The following SLC16A13 variants were observed in gnomAD, a reference collection of about 807,000 sequenced individuals.
SLC16A13 encodes solute carrier family 16 member 13.
Under a neutral mutation model 28.1 loss-of-function variants are expected in SLC16A13, and 28 were observed. The observed-to-expected ratio is 1.00, with a 90% CI of 0.74 to 1.37. SLC16A13 has a LOEUF of 1.37. SLC16A13 is among the 40% of genes most tolerant of loss of function. The pLI, the probability that SLC16A13 is intolerant of heterozygous loss-of-function variation, is 0.00. For missense variants in SLC16A13, 482 were observed against 531.8 expected (o/e 0.91, Z 0.92); for synonymous variants, 228 against 241.6 (o/e 0.94, Z 0.52).
Position 7,038,568 on chromosome 17 carries a change from C to T in SLC16A13, c.760C>T (p.Leu254=), listed in dbSNP as rs756556716. The part of the protein sequence containing the change: ...LDWDPLPAAF[L]LSVVAISDLV... The stretch of plus-strand genomic sequence containing the variant: ...TTGGGACCCACTACCTGCTGCCTTC[C>T]TACTCTCAGTTGTTGCTATTTCTGA... Residue 254 remains leucine (L), a synonymous_variant, in exon 3 of 4, where the codon CTA becomes TTA. Transcript: ENST00000308027. This position sits in a 1 kb window ranked among gnomAD's most constrained non-coding sequence, Gnocchi z 5.7. 1 of 1,614,228 alleles carries T rather than the reference C, an allele frequency of 6.2e-7. No individual in the cohort carries two copies. The highest frequency in any genetic ancestry group is 8.5e-7 in the Non-Finnish European group (1 of 1,180,048).
In SLC16A13 at chr17:7,039,205, A is replaced by G. The variant is rs918546295; in HGVS notation, c.1081+316A>G. Among the ~76,000 whole-genome samples, 1 of 152,128 alleles carries G rather than the reference A, an allele frequency of 6.6e-6. No individual in the cohort carries two copies. Among genetic ancestry groups the G allele is most frequent in the African/African-American group, 2.4e-5 (1 of 41,420 alleles). On this transcript the variant is annotated intron_variant, in intron 3 of 3. Transcript: ENST00000308027. The surrounding 1 kb of genome is among the most constrained non-coding windows in gnomAD (Gnocchi z 4.3). ...CAGTGTGCACCCTTTCCTTTGGCCTACTGGGCCCCAAACCAGGTATCTGAG... is the reference window on the plus strand; with the variant it reads ...CAGTGTGCACCCTTTCCTTTGGCCTGCTGGGCCCCAAACCAGGTATCTGAG...
Position 7,036,816 on chromosome 17 carries a change from G to C in SLC16A13, c.289G>C (p.Ala97Pro), listed in dbSNP as rs758274051. Residue 97 changes from alanine (A) to proline (P), a missense_variant, in exon 2 of 4, where the codon GCC becomes CCC. Transcript: ENST00000308027. ...GILAALGMLLASFATSLTHLY... is the reference protein window; with the variant it reads ...GILAALGMLLPSFATSLTHLY... ...CTTGGCTGCGCTGGGGATGCTGCTC[G>C]CCTCTTTTGCTACTTCCTTGACCCA... The C allele has an allele frequency of 1.2e-6, 2 of 1,613,886 alleles. No homozygotes were observed. The highest frequency in any genetic ancestry group is 2.2e-5 in the South Asian group (2 of 91,086).
At chr17:7,036,955 G>A in intron 2 of SLC16A13, 85 bp downstream of exon 2, 1 of 1,520,748 alleles carries the variant, frequency 6.6e-7, no homozygotes, top group Non-Finnish European at 8.9e-7. Flanking sequence ...AAGGGTTCGG[G>A]GAGAAGCTGA....
rs750963688 is a variant in SLC16A13, at chr17:7,038,419, G to C, written c.611G>C (p.Arg204Thr). The C allele has an allele frequency of 3.7e-6, 6 of 1,613,930 alleles. No homozygotes were observed. The East Asian group carries it at 1.1e-4, about 30-fold the overall frequency. The change falls in exon 3 of 4, where the codon AGG becomes ACG. Residue 204 changes from arginine (R) to threonine (T), a missense_variant. Physicochemically the swap from Arg to Thr is moderately conservative, Grantham distance 71. Coordinates refer to ENST00000308027, the MANE Select transcript of SLC16A13 (RefSeq NM_201566.3). This position sits in a 1 kb window ranked among gnomAD's most constrained non-coding sequence, Gnocchi z 5.7. ...LAEDPAVGGP[R>T]AQLTSLLHHG... is the part of the protein sequence containing the mutation. ...GAGGACCCTGCTGTGGGTGGTCCCA[G>C]GGCCCAACTCACCTCTCTCCTCCAT...
rs765455711 is a variant in SLC16A13 at position 7,038,313 on chromosome 17, AG to A, written c.510del (p.Ser171ProfsTer12). On this transcript the variant is annotated frameshift_variant, in exon 3 of 4. Transcript: ENST00000308027. LOFTEE classifies it high-confidence loss of function. The surrounding 1 kb of genome is among the most constrained non-coding windows in gnomAD (Gnocchi z 5.7). ...FQWLLSHYAW[R>X]GSLLLVSALS... ...GTGGCTGCTCAGCCACTACGCCTGG[AG>A]GGGGTCCCTGCTGCTGGTGTCTGCC... 1 of 1,613,940 alleles carries A rather than the reference AG, an allele frequency of 6.2e-7. No homozygotes were observed.
rs1567732563 is a variant in SLC16A13 at position 7,038,544 on chromosome 17, T to C, written c.736T>C (p.Trp246Arg). The C allele has an allele frequency of 1.9e-6, 3 of 1,614,228 alleles. No homozygotes were observed. Among genetic ancestry groups the C allele is most frequent in the Non-Finnish European group, 1.7e-6 (2 of 1,180,044 alleles). The change falls in exon 3 of 4, where the codon TGG (tryptophan) becomes CGG (arginine). Residue 246 changes from tryptophan (W) to arginine (R), a missense_variant. Physicochemically the swap from Trp to Arg is moderately radical, Grantham distance 101 (BLOSUM62 -3). Coordinates refer to ENST00000308027, the MANE Select transcript of SLC16A13 (RefSeq NM_201566.3). The surrounding 1 kb of genome is among the most constrained non-coding windows in gnomAD (Gnocchi z 5.7). ...GGTGGCCCATCTCCAGGACCTGGAT[T>C]GGGACCCACTACCTGCTGCCTTCCT... The part of the protein sequence containing the change: ...HLVAHLQDLD[W>R]DPLPAAFLLS...
rs1910628072 is a variant in SLC16A13 at position 7,038,066 on chromosome 17, T to G, written c.344-86T>G. On this transcript the variant is annotated intron_variant, in intron 2 of 3. Coordinates refer to ENST00000308027, the MANE Select transcript of SLC16A13 (RefSeq NM_201566.3). The surrounding 1 kb of genome is among the most constrained non-coding windows in gnomAD (Gnocchi z 5.7). ...GTCTGTGGGACTCCGAAGCAAGTGC[T>G]ACATTCTGCTGCTGGGCAATGCGGG... The G allele has an allele frequency of 6.8e-7, 1 of 1,477,134 alleles. No homozygotes were observed. The highest frequency in any genetic ancestry group is 1.4e-5 in the African/African-American group (1 of 71,492). 91.5% of individuals were successfully genotyped at this position (1,477,134 alleles called of 1,614,324 possible).
In SLC16A13 at chr17:7,038,352, C is replaced by T. The variant is rs369186005; in HGVS notation, c.544C>T (p.Leu182=). 1 of 1,614,118 alleles carries T rather than the reference C, an allele frequency of 6.2e-7. No homozygotes were observed. Among genetic ancestry groups the T allele is most frequent in the South Asian group, 1.1e-5 (1 of 91,084 alleles). Residue 182 remains leucine, a synonymous_variant, in exon 3 of 4, where the codon CTA becomes TTA. Transcript: ENST00000308027. This position sits in a 1 kb window ranked among gnomAD's most constrained non-coding sequence, Gnocchi z 5.7. ...GCTGGTGTCTGCCCTCTCCCTCCAC[C>T]TAGTGGCCTGTGGTGCTCTCCTCCG... ...LLLVSALSLH[L]VACGALLRPP... is the part of the protein sequence containing the mutation.
chr17:7,036,960 A>G, intron 2 of SLC16A13, 90 bp downstream of exon 2: 5 of 1,499,294 alleles, frequency 3.3e-6, no homozygotes, highest in Middle Eastern at 1.8e-4. Flanking sequence ...TTCGGGGAGA[A>G]GCTGAGGGAA....
At position 7,038,728 on chromosome 17, in the gene SLC16A13, T is replaced by G; in HGVS notation, c.920T>G (p.Leu307Arg). The G allele has an allele frequency of 6.2e-7, 1 of 1,614,154 alleles. No homozygotes were observed. The highest frequency in any genetic ancestry group is 1.1e-5 in the South Asian group (1 of 91,082). The change falls in exon 3 of 4, where the codon CTG (leucine) becomes CGG (arginine). Residue 307 changes from leucine to arginine, a missense_variant. Transcript: ENST00000308027. This position sits in a 1 kb window ranked among gnomAD's most constrained non-coding sequence, Gnocchi z 5.7. Reference sequence around the variant, plus strand: ...CCTGTAGCTCAGGCTCCCACAGCCCTGGTGGCTCTGGCTGTGGCCTACGGC... The same window carrying G: ...CCTGTAGCTCAGGCTCCCACAGCCCGGGTGGCTCTGGCTGTGGCCTACGGC... ...LFPVAQAPTA[L>R]VALAVAYGFT...
Position 7,038,750 on chromosome 17 carries a change from C to T in SLC16A13, c.942C>T (p.Tyr314=), listed in dbSNP as rs762294805. Residue 314 remains tyrosine, a synonymous_variant, in exon 3 of 4, where the codon TAC becomes TAT. Coordinates refer to ENST00000308027, the MANE Select transcript of SLC16A13 (RefSeq NM_201566.3). This position sits in a 1 kb window ranked among gnomAD's most constrained non-coding sequence, Gnocchi z 5.7. ...PTALVALAVA[Y]GFTSGALAPL... is the part of the protein sequence containing the mutation. ...CCCTGGTGGCTCTGGCTGTGGCCTA[C>T]GGCTTCACATCAGGGGCTCTGGCCC... is the stretch of plus-strand genomic sequence containing the variant. 4.3e-6 allele frequency: 7 copies of T among 1,614,138 alleles called. No individual in the cohort carries two copies. In the South Asian group the frequency reaches 4.4e-5, roughly 10 times the overall value.
chr17:7,039,970 A>C lies in SLC16A13; in HGVS notation c.*8A>C, dbSNP rs777377498. ...GGGCTGGAAGAGGACTGAACTCCAC[A>C]GAGTCAGGCCCAGAAAGCCAAAGCT... is the stretch of plus-strand genomic sequence containing the variant. On this transcript the variant is annotated 3_prime_UTR_variant, in exon 4 of 4. Transcript: ENST00000308027. This position sits in a 1 kb window ranked among gnomAD's most constrained non-coding sequence, Gnocchi z 4.3. The C allele has an allele frequency of 6.2e-7, 1 of 1,611,792 alleles. No individual in the cohort carries two copies. Among genetic ancestry groups the C allele is most frequent in the Non-Finnish European group, 8.5e-7 (1 of 1,179,144 alleles).
In SLC16A13 at chr17:7,036,096, C is replaced by T. The variant is rs1910571715; in HGVS notation, c.-287C>T. 3 of 354,570 alleles carry T rather than the reference C, an allele frequency of 8.5e-6. No individual in the cohort carries two copies. The highest frequency in any genetic ancestry group is 5.6e-5 in the South Asian group (1 of 17,786). The allele number at this position is 354,570 out of a possible 1,614,324, so 22.0% of individuals were successfully genotyped here. ...TCCCAGCCGAACACCGAACCGGGAC[C>T]GATCCGGCCCCGGCTTGAACTAGCT... is the stretch of plus-strand genomic sequence containing the variant. On this transcript the variant is annotated 5_prime_UTR_variant, in exon 1 of 4. Coordinates refer to ENST00000308027, the MANE Select transcript of SLC16A13 (RefSeq NM_201566.3).
At position 7,038,497 on chromosome 17, in the gene SLC16A13, A is replaced by ACT. The variant is rs1910641021; in HGVS notation, c.690_691dup (p.Phe231SerfsTer51). ...GCCCTCACCCTGATCAACACTGGCT[A>ACT]CTTCATTCCCTACCTCCACCTGGTG... On this transcript the variant is annotated frameshift_variant, in exon 3 of 4. Transcript: ENST00000308027. LOFTEE classifies it high-confidence loss of function. The surrounding 1 kb of genome is among the most constrained non-coding windows in gnomAD (Gnocchi z 5.7). 2 of 1,613,874 alleles carry ACT rather than the reference A, an allele frequency of 1.2e-6. No individual in the cohort carries two copies. Among genetic ancestry groups the ACT allele is most frequent in the Non-Finnish European group, 1.7e-6 (2 of 1,179,980 alleles).
chr17:7,038,457 C>G lies in SLC16A13; in HGVS notation c.649C>G (p.Leu217Val), dbSNP rs1163075826. Residue 217 changes from leucine (L) to valine (V), a missense_variant, in exon 3 of 4, where the codon CTC becomes GTC. Transcript: ENST00000308027. The surrounding 1 kb of genome is among the most constrained non-coding windows in gnomAD (Gnocchi z 5.7). ...LTSLLHHGPF[L>V]RYTVALTLIN... The stretch of plus-strand genomic sequence containing the variant: ...CTCTCTCCTCCATCATGGCCCCTTC[C>G]TCCGTTACACTGTTGCCCTCACCCT... 8 of 1,613,846 alleles carry G rather than the reference C, an allele frequency of 5.0e-6. No individual in the cohort carries two copies. The highest frequency in any genetic ancestry group is 6.8e-6 in the Non-Finnish European group (8 of 1,179,874).
rs550979466 is a variant in SLC16A13, at chr17:7,038,461, G to C, written c.653G>C (p.Arg218Pro). ...TSLLHHGPFL[R>P]YTVALTLINT... ...CTCCTCCATCATGGCCCCTTCCTCC[G>C]TTACACTGTTGCCCTCACCCTGATC... The change falls in exon 3 of 4, where the codon CGT becomes CCT. Residue 218 changes from arginine (R) to proline (P), a missense_variant. Arg to Pro is a moderately radical substitution (Grantham distance 103). Coordinates refer to ENST00000308027, the MANE Select transcript of SLC16A13 (RefSeq NM_201566.3). The surrounding 1 kb of genome is among the most constrained non-coding windows in gnomAD (Gnocchi z 5.7). 1.2e-6 allele frequency: 2 copies of C among 1,613,822 alleles called. No homozygotes were observed. Among genetic ancestry groups the C allele is most frequent in the South Asian group, 1.1e-5 (1 of 91,070 alleles).
Position 7,039,883 on chromosome 17 carries a change from C to A in SLC16A13, c.1202C>A (p.Thr401Asn), listed in dbSNP as rs749819166. The A allele has an allele frequency of 1.2e-5, 20 of 1,614,060 alleles. No homozygotes were observed. In the East Asian group the frequency reaches 4.2e-4, roughly 34 times the overall value. ...LPHFFCFSTT[T>N]SGPQDLVTEA... ...CACTTCTTCTGCTTCTCAACTACTA[C>A]CTCCGGGCCCCAGGACCTTGTAACA... is the stretch of plus-strand genomic sequence containing the variant. The change falls in exon 4 of 4, where the codon ACC becomes AAC. Residue 401 changes from threonine (T) to asparagine (N), a missense_variant. Thr to Asn is a moderately conservative substitution (Grantham distance 65). Coordinates refer to ENST00000308027, the MANE Select transcript of SLC16A13 (RefSeq NM_201566.3). This position sits in a 1 kb window ranked among gnomAD's most constrained non-coding sequence, Gnocchi z 4.3.
Position 7,036,234 on chromosome 17 carries a change from C to G in SLC16A13, c.-149C>G, listed in dbSNP as rs1910575172. ...GGGAAAAGGTGCAGGGGCCTCTCGC[C>G]GCCTCGTCGGGCCCTTCCTCTCTAC... On this transcript the variant is annotated 5_prime_UTR_variant, in exon 1 of 4. Coordinates refer to ENST00000308027, the MANE Select transcript of SLC16A13 (RefSeq NM_201566.3). 1 of 739,286 alleles carries G rather than the reference C, an allele frequency of 1.4e-6. No individual in the cohort carries two copies. Among genetic ancestry groups the G allele is most frequent in the African/African-American group, 1.8e-5 (1 of 56,640 alleles). 45.8% of individuals were successfully genotyped at this position (739,286 alleles called of 1,614,324 possible).
In SLC16A13 at chr17:7,039,811, CTG is replaced by C; in HGVS notation, c.1131_1132del (p.Ala379LeufsTer36). On this transcript the variant is annotated frameshift_variant, in exon 4 of 4. Coordinates refer to ENST00000308027, the MANE Select transcript of SLC16A13 (RefSeq NM_201566.3). LOFTEE classifies it high-confidence loss of function. The surrounding 1 kb of genome is among the most constrained non-coding windows in gnomAD (Gnocchi z 4.3). ...AACTACACGGCTTCTTTTGTGGTGG[CTG>C]GGGCCTTCCTTCTTTCAGGGAGTGG... The C allele has an allele frequency of 1.9e-6, 3 of 1,614,182 alleles. No homozygotes were observed. The South Asian group carries it at 3.3e-5, about 18-fold the overall frequency.
Sources: allele counts gnomAD v4.1 joint callset (sites outside exome capture counted in the v4.1 genomes callset), GRCh38; gene constraint gnomAD v4.1.1; non-coding constraint Gnocchi (gnomAD v3.1); transcripts MANE v1.5; gene names NCBI Gene and HGNC (gene_info 2026-07-23, HGNC 2026-07-21).